TNFSF4: variants seen among roughly 807,000 people sequenced by gnomAD.
TNFSF4 encodes tumor necrosis factor ligand superfamily member 4.
Under a neutral mutation model 7.3 loss-of-function variants are expected in TNFSF4, and 4 were observed. That is an observed-to-expected ratio of 0.55 (90% CI 0.27 to 1.25). The LOEUF (loss-of-function observed/expected upper bound fraction) is 1.25. Among genes scored for constraint, TNFSF4 ranks in the 50% most tolerant of loss-of-function variants. The pLI, the probability that TNFSF4 is intolerant of heterozygous loss-of-function variation, is 0.12. For missense variants in TNFSF4, 181 were observed against 208.8 expected, an observed-to-expected ratio of 0.87 and a Z score of 0.82; for synonymous variants, 76 against 83.7, an observed-to-expected ratio of 0.91 and a Z score of 0.50.
the TNFSF4 span, among the ~76,000 whole-genome samples, chr1:173,366,983 G>A: frequency 6.6e-6 from 1 of 152,160 alleles, no homozygotes; most frequent in African/African-American, 2.4e-5. Context: ...CTAAGCCCCT[G>A]GGAGGGGCCC....
At chr1:173,414,470 T>C in the TNFSF4 span, among the ~76,000 whole-genome samples, 1 of 152,182 alleles carries the variant, frequency 6.6e-6, no homozygotes, top group East Asian at 1.9e-4. Flanking sequence ...GGGGACGCAA[T>C]TCAATCTGTA....
chr1:173,420,880 T>C, the TNFSF4 span, among the ~76,000 whole-genome samples: 2 of 152,210 alleles, frequency 1.3e-5, no homozygotes, highest in African/African-American at 4.8e-5. Flanking sequence ...TCAGAAACTT[T>C]TCCCCAAAGG....
chr1:173,369,481 G>C, the TNFSF4 span, among the ~76,000 whole-genome samples: 68 of 152,298 alleles, frequency 4.5e-4, no homozygotes, highest in Non-Finnish European at 7.6e-4. Context: ...TTCCGCTGCT[G>C]CTTCAGTGAG....
At chr1:173,352,460 G>A in the TNFSF4 span, among the ~76,000 whole-genome samples, 4 of 152,172 alleles carry the variant, frequency 2.6e-5, no homozygotes, top group Admixed American at 6.5e-5. Flanking sequence ...AAAGCTGGGT[G>A]TCCGGGGGAG....
the TNFSF4 span, among the ~76,000 whole-genome samples, chr1:173,376,591 G>A: frequency 6.6e-6 from 1 of 152,168 alleles, no homozygotes; most frequent in Non-Finnish European, 1.5e-5. Context: ...GTTTGTAAAT[G>A]CACCAATCAG....
chr1:173,359,461 AAAAAGAAAAGAAAAAAG>A, the TNFSF4 span, among the ~76,000 whole-genome samples: 1 of 78,674 alleles, frequency 1.3e-5, no homozygotes, highest in Admixed American at 1.5e-4. Context: ...TTAAAAAAAA[AAAAAGAAAAGAAAAAAG>A]AAAAATTCAA....
At chr1:173,407,353 C>T in the TNFSF4 span, among the ~76,000 whole-genome samples, 17 of 151,856 alleles carry the variant, frequency 1.1e-4, no homozygotes, top group African/African-American at 3.9e-4. Flanking sequence ...GTGGGCAAAT[C>T]ACTTGAGACC....
the TNFSF4 span, among the ~76,000 whole-genome samples, chr1:173,219,338 T>C: frequency 6.6e-6 from 1 of 152,218 alleles, no homozygotes; most frequent in Non-Finnish European, 1.5e-5. Flanking sequence ...TACTTGCTTG[T>C]AGACCATTTC....
chr1:173,394,574 G>A, the TNFSF4 span, among the ~76,000 whole-genome samples: 1 of 152,180 alleles, frequency 6.6e-6, no homozygotes, highest in Non-Finnish European at 1.5e-5. Flanking sequence ...CTTCCCAAAT[G>A]AGGATTGGCA....
At chr1:173,403,629 C>T in the TNFSF4 span, among the ~76,000 whole-genome samples, 1 of 152,276 alleles carries the variant, frequency 6.6e-6, no homozygotes, top group Non-Finnish European at 1.5e-5. Context: ...TTCAGCTGGG[C>T]GCGGTGGCTC....
chr1:173,302,094 C>T, the TNFSF4 span, among the ~76,000 whole-genome samples: 194 of 152,000 alleles, frequency 1.3e-3, no homozygotes, highest in African/African-American at 4.3e-3. Context: ...GGTTCTAGTA[C>T]TGTGAGACCC....
At chr1:173,401,769 A>G in the TNFSF4 span, among the ~76,000 whole-genome samples, 1 of 152,162 alleles carries the variant, frequency 6.6e-6, no homozygotes, top group African/African-American at 2.4e-5. Context: ...ACCCATATAC[A>G]TACATATACA....
the TNFSF4 span, among the ~76,000 whole-genome samples, chr1:173,284,626 A>T: frequency 1.3e-5 from 2 of 152,284 alleles, no homozygotes; most frequent in African/African-American, 4.8e-5. Context: ...AATGTAGCTG[A>T]TGACTTTAAG....
chr1:173,277,113 A>T, the TNFSF4 span, among the ~76,000 whole-genome samples: 1 of 151,888 alleles, frequency 6.6e-6, no homozygotes, highest in Admixed American at 6.6e-5. Context: ...CCAGGGTGAA[A>T]CTCTGCCAGT....
At chr1:173,400,053 G>A in the TNFSF4 span, among the ~76,000 whole-genome samples, 4 of 152,214 alleles carry the variant, frequency 2.6e-5, no homozygotes, top group South Asian at 2.1e-4. Flanking sequence ...TGAACACAAC[G>A]CTTTTGCGAG....
At chr1:173,241,162 C>T in the TNFSF4 span, among the ~76,000 whole-genome samples, 1 of 152,098 alleles carries the variant, frequency 6.6e-6, no homozygotes, top group Non-Finnish European at 1.5e-5. Context: ...TAGAATGGAG[C>T]CTAGTCTTAC....
chr1:173,441,229 GCTT>G, the TNFSF4 span, among the ~76,000 whole-genome samples: 1 of 151,990 alleles, frequency 6.6e-6, no homozygotes, highest in Admixed American at 6.5e-5. Flanking sequence ...CTCCCTACTT[GCTT>G]CTTTTACTTC....
chr1:173,369,923 C>G, the TNFSF4 span, among the ~76,000 whole-genome samples: 1 of 152,076 alleles, frequency 6.6e-6, no homozygotes. Context: ...ACCCCCATTT[C>G]CTAGCCTCCC....
chr1:173,262,895 C>G, the TNFSF4 span, among the ~76,000 whole-genome samples: 1 of 152,296 alleles, frequency 6.6e-6, no homozygotes, highest in African/African-American at 2.4e-5. Flanking sequence ...CCACCACGCC[C>G]AGCCCCCAAA....
Sources: allele counts gnomAD v4.1 joint callset (sites outside exome capture counted in the v4.1 genomes callset), GRCh38; gene constraint gnomAD v4.1.1; transcripts MANE v1.5; gene names NCBI Gene and HGNC (gene_info 2026-07-23, HGNC 2026-07-21).